ALS2: variants seen among roughly 807,000 people sequenced by gnomAD.
ALS2 encodes the protein alsin.
Under a neutral mutation model 203.4 loss-of-function variants are expected in ALS2, and 117 were observed. That is an observed-to-expected ratio of 0.58 (90% confidence interval 0.50 to 0.67). ALS2 has a LOEUF of 0.67. Among genes scored for constraint, ALS2 ranks in the 30% least tolerant of loss-of-function variants. The pLI is 0.00. For missense variants in ALS2, 1,715 were observed against 1,989.4 expected (o/e 0.86, Z 2.62); for synonymous variants, 718 against 725.9 (o/e 0.99, Z 0.17).
chr2:201,729,570 T>C (rs1691415983), intron 13 of ALS2, among the ~76,000 whole-genome samples: 1 of 152,156 alleles, frequency 6.6e-6, no homozygotes, highest in Non-Finnish European at 1.5e-5. Context: ...TAGAAGCTTT[T>C]ATTAATTCAC....
intron 1 of ALS2, among the ~76,000 whole-genome samples, chr2:201,769,417 T>C (rs1694268190): frequency 6.6e-6 from 1 of 152,232 alleles, no homozygotes; most frequent in South Asian, 2.1e-4. Context: ...TTTTCAGTAA[T>C]GCACAAAAAT....
At chr2:201,758,760 A>ATGTGTGTGTGTGTGCGCATGTGTGTGTG in intron 4 of ALS2, among the ~76,000 whole-genome samples, 1 of 150,744 alleles carries the variant, frequency 6.6e-6, no homozygotes, top group Admixed American at 6.6e-5. Flanking sequence ...GTGTGTGCGC[A>ATGTGTGTGTGTGTGCGCATGTGTGTGTG]TGTGTGTGTG....
At chr2:201,757,844 T>C in intron 4 of ALS2, 85 bp from the exon 5 acceptor site, 1 of 1,052,504 alleles carries the variant, frequency 9.5e-7, no homozygotes, top group South Asian at 1.5e-5. Context: ...CTAATATCCA[T>C]CGCTATTTGC....
chr2:201,707,155 T>G, intron 28 of ALS2, 133 bp from the exon 29 acceptor site: 1 of 783,682 alleles, frequency 1.3e-6, no homozygotes, highest in South Asian at 1.6e-5. Context: ...AATATTACTC[T>G]GCTCTTTACA....
chr2:201,711,637 A>ATC (rs1690030711), intron 25 of ALS2, among the ~76,000 whole-genome samples: 1 of 152,238 alleles, frequency 6.6e-6, no homozygotes. Context: ...ATGTAAGCAC[A>ATC]TAACGGGTAA....
chr2:201,702,726 G>T (rs1689465877), intron 33 of ALS2, among the ~76,000 whole-genome samples: 1 of 152,124 alleles, frequency 6.6e-6, no homozygotes, highest in South Asian at 2.1e-4. Flanking sequence ...GATCTGTTTA[G>T]AGATACTCTT....
rs769034098 is a variant in ALS2 at position 201,710,026 on chromosome 2, G to C, written c.4135C>G (p.Pro1379Ala). The change falls in exon 27 of 34, where the codon CCT becomes GCT. Residue 1379 changes from proline (P) to alanine (A), a missense_variant. By Grantham distance (27) the Pro-to-Ala change is conservative (BLOSUM62 -1). Transcript: ENST00000264276. ...ACAAGCCTGCCCAGGGGGTGCAGAG[G>C]AGTGTCACAGGCCTGAGTAGGAAAA... is the stretch of plus-strand genomic sequence containing the variant. Reference protein sequence around the residue: ...RKYLIKACDTPLHPLGRLVET... With the variant: ...RKYLIKACDTALHPLGRLVET... 7.4e-6 allele frequency: 12 copies of C among 1,613,902 alleles called. No homozygotes were observed. The highest frequency in any genetic ancestry group is 1.0e-5 in the Non-Finnish European group (12 of 1,179,818).
At chr2:201,760,486 T>C in intron 4 of ALS2, 1 of 1,002,840 alleles carries the variant, frequency 1.0e-6, no homozygotes. Context: ...GGAAAAGACT[T>C]TTCTCTACAG....
chr2:201,724,475 A>G lies in ALS2; in HGVS notation c.3348-16T>C. 1 of 1,613,554 alleles carries G rather than the reference A, an allele frequency of 6.2e-7. No homozygotes were observed. The highest frequency in any genetic ancestry group is 8.5e-7 in the Non-Finnish European group (1 of 1,179,460). The stretch of plus-strand genomic sequence containing the variant: ...AGAAGCATAGCTGTGGTTGGAAAGA[A>G]TGGATAATTATCACATGCACATTGA... On this transcript the variant is annotated splice_polypyrimidine_tract_variant and intron_variant, in intron 20 of 33. Coordinates refer to ENST00000264276, the MANE Select transcript of ALS2 (RefSeq NM_020919.4).
chr2:201,753,191 C>T lies in ALS2; in HGVS notation c.1692G>A (p.Leu564=). ...KCLDGKEVIH[L]EAGGYHSLAL... ...CAAGAGAATGGTAACCACCTGCCTC[C>T]AGATGGATTACTTCTTTGCCATCCA... Residue 564 remains leucine (L), a synonymous_variant, in exon 7 of 34, where the codon CTG becomes CTA. Transcript: ENST00000264276. 1 of 1,614,118 alleles carries T rather than the reference C, an allele frequency of 6.2e-7. No homozygotes were observed. The highest frequency in any genetic ancestry group is 8.5e-7 in the Non-Finnish European group (1 of 1,179,978).
intron 15 of ALS2, 101 bp from the exon 16 acceptor site, chr2:201,727,876 G>A (rs1263483061): frequency 1.8e-6 from 2 of 1,125,742 alleles, no homozygotes; most frequent in African/African-American, 3.1e-5. Flanking sequence ...GGGCCTTGCA[G>A]TCTCTGCTGC....
In ALS2 at chr2:201,709,970, T is replaced by A. The variant is rs752338259; in HGVS notation, c.4191A>T (p.Thr1397=). Reference sequence around the variant, plus strand: ...TGCGGTTGGCTCCTACGCCCACGTATGTCATTCTATACACTGCAACCAGTG... The same window carrying A: ...TGCGGTTGGCTCCTACGCCCACGTAAGTCATTCTATACACTGCAACCAGTG... ...VETLVAVYRM[T]YVGVGANRRL... is the part of the protein sequence containing the mutation. Residue 1397 remains threonine, a synonymous_variant, in exon 27 of 34, where the codon ACA becomes ACT. Transcript: ENST00000264276. 6.2e-7 allele frequency: 1 copy of A among 1,614,110 alleles called. No homozygotes were observed. Among genetic ancestry groups the A allele is most frequent in the Non-Finnish European group, 8.5e-7 (1 of 1,179,964 alleles).
chr2:201,723,151 C>T, intron 22 of ALS2, 31 bp from the exon 23 acceptor site: 1 of 1,561,936 alleles, frequency 6.4e-7, no homozygotes, highest in African/African-American at 1.4e-5. Flanking sequence ...AAAATTACAA[C>T]ACATAAAATA....
Position 201,728,574 on chromosome 2 carries a change from G to T in ALS2, c.2779C>A (p.His927Asn), listed in dbSNP as rs775164520. 12 of 1,613,980 alleles carry T rather than the reference G, an allele frequency of 7.4e-6. No homozygotes were observed. Among genetic ancestry groups the T allele is most frequent in the Non-Finnish European group, 1.0e-5 (12 of 1,180,006 alleles). Reference protein sequence around the residue: ...ESSNRALSLQHAGRFSVNWFI... With the variant: ...ESSNRALSLQNAGRFSVNWFI... Reference sequence around the variant, plus strand: ...CAATTCACGGAAAACCTCCCAGCATGCTGCAGAGACAGGGCTCGGTTACTA... The same window carrying T: ...CAATTCACGGAAAACCTCCCAGCATTCTGCAGAGACAGGGCTCGGTTACTA... The change falls in exon 15 of 34, where the codon CAT becomes AAT. Residue 927 changes from histidine (H) to asparagine (N), a missense_variant. His to Asn is a moderately conservative substitution (Grantham distance 68). Around this residue, in one of 3 missense-constraint regions of ALS2, gnomAD observed 1,227 missense variants for 1,413.5 expected, o/e 0.87. Coordinates refer to ENST00000264276, the MANE Select transcript of ALS2 (RefSeq NM_020919.4).
intron 2 of ALS2, among the ~76,000 whole-genome samples, chr2:201,768,477 A>T (rs1694216619): frequency 6.6e-6 from 1 of 152,176 alleles, no homozygotes; most frequent in African/African-American, 2.4e-5. Context: ...ATATTCCCTT[A>T]AATTATAACT....
intron 4 of ALS2, among the ~76,000 whole-genome samples, chr2:201,758,057 A>C (rs987660902): frequency 2.6e-5 from 4 of 152,194 alleles, no homozygotes; most frequent in African/African-American, 7.2e-5. Flanking sequence ...TAAACACAGT[A>C]AAAAGGGAGG....
In ALS2 at chr2:201,700,475, A is replaced by C. The variant is rs922876609; in HGVS notation, c.*1376T>G. On this transcript the variant is annotated 3_prime_UTR_variant, in exon 34 of 34. Coordinates refer to ENST00000264276, the MANE Select transcript of ALS2 (RefSeq NM_020919.4). ...GAGGCATGGATTACAATGTGGGCTA[A>C]AGAAATACTAAGTCTGGGTTTCCTT... 1 of 152,632 alleles carries C rather than the reference A, an allele frequency of 6.6e-6. No homozygotes were observed. The highest frequency in any genetic ancestry group is 2.4e-5 in the African/African-American group (1 of 41,456). The allele number at this position is 152,632 out of a possible 1,614,324, so 9.5% of individuals were successfully genotyped here.
chr2:201,743,085 A>AC, intron 10 of ALS2, among the ~76,000 whole-genome samples: 1 of 151,356 alleles, frequency 6.6e-6, no homozygotes. Flanking sequence ...AAAAAAAAAA[A>AC]AGAAAGAAAC....
chr2:201,718,711 G>GA (rs75266899), intron 23 of ALS2, among the ~76,000 whole-genome samples: 349 of 151,708 alleles, frequency 2.3e-3, no homozygotes, highest in African/African-American at 7.3e-3. Flanking sequence ...ATGGGTAAAA[G>GA]AAAAAAACAC....
Sources: allele counts gnomAD v4.1 joint callset (sites outside exome capture counted in the v4.1 genomes callset), GRCh38; gene constraint gnomAD v4.1.1; regional missense constraint gnomAD v4.1.1; transcripts MANE v1.5; gene names NCBI Gene and HGNC (gene_info 2026-07-23, HGNC 2026-07-21).